Variants in SLC3A1 observed in about 807,000 individuals in gnomAD.
The protein encoded by SLC3A1 is solute carrier family 3 member 1, also known as amino acid transporter heavy chain SLC3A1.
Under a neutral mutation model 60.3 loss-of-function variants are expected in SLC3A1, and 78 were observed. That is an observed-to-expected ratio of 1.29 (90% CI 1.08 to 1.56). The LOEUF is 1.56. SLC3A1 is among the 40% of genes most tolerant of loss of function. SLC3A1 has a pLI of 0.00. For missense variants in SLC3A1, 1,172 were observed against 858.9 expected, an observed-to-expected ratio of 1.36 and a Z score of -4.56; for synonymous variants, 392 against 307.9, an observed-to-expected ratio of 1.27 and a Z score of -2.86.
rs1308796801 is a variant in SLC3A1 at position 44,318,218 on chromosome 2, G to A, written c.1618-1981G>A. On this transcript the variant is annotated intron_variant, in intron 9 of 9. Transcript: ENST00000260649. Reference sequence around the variant, plus strand: ...TGATTCTCCTGCTGCAGCCTCCCAAGTAGCTGGGATTACAGGTGCACGTCA... The same window carrying A: ...TGATTCTCCTGCTGCAGCCTCCCAAATAGCTGGGATTACAGGTGCACGTCA... The A allele has an allele frequency of 7.9e-6, 3 of 380,340 alleles. No individual in the cohort carries two copies. In the Admixed American group the frequency reaches 1.0e-4, roughly 13 times the overall value. 23.6% of individuals were successfully genotyped at this position (380,340 alleles called of 1,614,324 possible). A position where few individuals can be genotyped will look rare whatever the true frequency, so the allele number is the denominator to read the frequency against.
At chr2:44,316,324 T>G (rs530947107) in intron 9 of SLC3A1, 8 of 152,194 alleles carry the variant, frequency 5.3e-5, no homozygotes, top group Non-Finnish European at 1.0e-4. Flanking sequence ...TCCTTGACAT[T>G]CTTTCAAGAA....
chr2:44,309,537 G>T (rs1202447499), intron 7 of SLC3A1, among the ~76,000 whole-genome samples: 1 of 152,018 alleles, frequency 6.6e-6, no homozygotes, highest in African/African-American at 2.4e-5. Context: ...ATCTGTTTAA[G>T]CCCCAGATTT....
rs1671481490 is a variant in SLC3A1, at chr2:44,280,874, G to A, written c.589G>A (p.Val197Ile). The A allele has an allele frequency of 6.2e-7, 1 of 1,614,066 alleles. No individual in the cohort carries two copies. The highest frequency in any genetic ancestry group is 8.5e-7 in the Non-Finnish European group (1 of 1,179,984). Residue 197 changes from valine to isoleucine, a missense_variant, in exon 2 of 10, where the codon GTT becomes ATT. Coordinates refer to ENST00000260649, the MANE Select transcript of SLC3A1 (RefSeq NM_000341.4). ...FGTMEDFENLVAAIHDKGLKL... is the reference protein window; with the variant it reads ...FGTMEDFENLIAAIHDKGLKL... ...AACGATGGAAGATTTTGAGAATCTGGTTGCAGCCATACATGATAAAGGTAA... is the reference window on the plus strand; with the variant it reads ...AACGATGGAAGATTTTGAGAATCTGATTGCAGCCATACATGATAAAGGTAA...
At chr2:44,292,257 G>A (rs868452799) in intron 4 of SLC3A1, among the ~76,000 whole-genome samples, 1 of 152,114 alleles carries the variant, frequency 6.6e-6, no homozygotes, top group African/African-American at 2.4e-5. Flanking sequence ...GAGCACAGGC[G>A]TAGGCTCCGT....
At chr2:44,281,902 T>G (rs1016888060) in intron 3 of SLC3A1, among the ~76,000 whole-genome samples, 1 of 152,152 alleles carries the variant, frequency 6.6e-6, no homozygotes, top group African/African-American at 2.4e-5. Context: ...GAGATGTAGT[T>G]TTGCTCTTGT....
intron 6 of SLC3A1, chr2:44,301,430 T>G (rs1468582061): frequency 1.7e-6 from 1 of 580,254 alleles, no homozygotes; most frequent in East Asian, 2.9e-5. Flanking sequence ...CATGAGCTAT[T>G]ATTTTTTCTT....
At chr2:44,285,747 A>T (rs765827117) in intron 3 of SLC3A1, 7 of 590,072 alleles carry the variant, frequency 1.2e-5, no homozygotes, top group Non-Finnish European at 2.3e-5. Context: ...TAGTAATGTC[A>T]GTTCCTTAAG....
chr2:44,315,676 G>C (rs79830879), intron 9 of SLC3A1, among the ~76,000 whole-genome samples: 1 of 62,148 alleles, frequency 1.6e-5, no homozygotes, highest in African/African-American at 5.5e-5. Flanking sequence ...AAAAAAAAAA[G>C]CAGAGAATAG....
intron 4 of SLC3A1, among the ~76,000 whole-genome samples, chr2:44,293,524 A>G (rs549685899): frequency 1.7e-4 from 25 of 149,694 alleles, no homozygotes; most frequent in East Asian, 6.0e-4. Flanking sequence ...TTTAGGGGGG[A>G]AAAAAAAAAG....
At position 44,301,046 on chromosome 2, in the gene SLC3A1, C is replaced by T. The variant is rs1367178569; in HGVS notation, c.1055C>T (p.Thr352Ile). ...QYSELYHDFT[T>I]TQVGMHDIVR... Reference sequence around the variant, plus strand: ...TCGGAGCTGTACCATGACTTCACCACCACGCAGGTGGGAATGCACGACATT... The same window carrying T: ...TCGGAGCTGTACCATGACTTCACCATCACGCAGGTGGGAATGCACGACATT... Residue 352 changes from threonine to isoleucine, a missense_variant, in exon 6 of 10, where the codon ACC becomes ATC. Thr to Ile is a moderately conservative substitution (Grantham distance 89). Transcript: ENST00000260649. 1 of 1,614,056 alleles carries T rather than the reference C, an allele frequency of 6.2e-7. No individual in the cohort carries two copies. Among genetic ancestry groups the T allele is most frequent in the South Asian group, 1.1e-5 (1 of 91,082 alleles).
Position 44,275,636 on chromosome 2 carries a change from C to G in SLC3A1, c.101C>G (p.Thr34Ser). 6.2e-7 allele frequency: 1 copy of G among 1,614,090 alleles called. No individual in the cohort carries two copies. Among genetic ancestry groups the G allele is most frequent in the Non-Finnish European group, 8.5e-7 (1 of 1,179,962 alleles). The change falls in exon 1 of 10, where the codon ACC (threonine) becomes AGC (serine). Residue 34 changes from threonine (T) to serine (S), a missense_variant. Coordinates refer to ENST00000260649, the MANE Select transcript of SLC3A1 (RefSeq NM_000341.4). ...FVHNEDILEQ[T>S]PDPGSSTDNL... The stretch of plus-strand genomic sequence containing the variant: ...CATAATGAAGACATTCTGGAGCAGA[C>G]CCCGGATCCAGGAAGCTCAACAGAC...
At chr2:44,297,131 G>A (rs1008149415) in intron 4 of SLC3A1, among the ~76,000 whole-genome samples, 3 of 152,174 alleles carry the variant, frequency 2.0e-5, no homozygotes, top group African/African-American at 4.8e-5. Context: ...CCCTCCATAG[G>A]TGAAAATTGG....
chr2:44,288,067 G>A (rs1057013637), intron 4 of SLC3A1, among the ~76,000 whole-genome samples: 3 of 147,220 alleles, frequency 2.0e-5, no homozygotes, highest in East Asian at 2.0e-4. Context: ...TTGCTCTGTC[G>A]CCCAGGCTGG....
In SLC3A1 at chr2:44,275,623, A is replaced by T; in HGVS notation, c.88A>T (p.Ile30Phe). ...TNNGFVHNED[I>F]LEQTPDPGSS... ...CAACGGGTTTGTCCATAATGAAGACATTCTGGAGCAGACCCCGGATCCAGG... is the reference window on the plus strand; with the variant it reads ...CAACGGGTTTGTCCATAATGAAGACTTTCTGGAGCAGACCCCGGATCCAGG... Residue 30 changes from isoleucine (I) to phenylalanine (F), a missense_variant, in exon 1 of 10, where the codon ATT (isoleucine) becomes TTT (phenylalanine). By Grantham distance (21) the Ile-to-Phe change is conservative (BLOSUM62 0). Coordinates refer to ENST00000260649, the MANE Select transcript of SLC3A1 (RefSeq NM_000341.4). 6 of 1,614,128 alleles carry T rather than the reference A, an allele frequency of 3.7e-6. No homozygotes were observed. The highest frequency in any genetic ancestry group is 5.1e-6 in the Non-Finnish European group (6 of 1,179,990).
chr2:44,294,502 CAAA>C (rs58236415), intron 4 of SLC3A1, among the ~76,000 whole-genome samples: 3 of 75,512 alleles, frequency 4.0e-5, no homozygotes, highest in Admixed American at 1.5e-4. Flanking sequence ...GACTCCATCT[CAAA>C]AAAAAAAAAA....
chr2:44,289,532 T>C (rs1341829978), intron 4 of SLC3A1, among the ~76,000 whole-genome samples: 2 of 151,952 alleles, frequency 1.3e-5, no homozygotes, highest in Non-Finnish European at 2.9e-5. Context: ...TCTTGATACA[T>C]GATTTACAAA....
Position 44,282,860 on chromosome 2 carries a change from G to T in SLC3A1, c.765+1319G>T, listed in dbSNP as rs1671531553. 2.6e-5 allele frequency among the ~76,000 whole-genome samples: 4 copies of T among 152,010 alleles called. No homozygotes were observed. In the South Asian group the frequency reaches 8.3e-4, roughly 32 times the overall value. On this transcript the variant is annotated intron_variant, in intron 3 of 9. Transcript: ENST00000260649. ...TTTTGTAAAGACAGGGCCTCACTCT[G>T]TTGTCCAGGCTGGTCTTGAACTCCT...
At chr2:44,283,325 A>G (rs1479944572) in intron 3 of SLC3A1, among the ~76,000 whole-genome samples, 1 of 152,216 alleles carries the variant, frequency 6.6e-6, no homozygotes, top group Non-Finnish European at 1.5e-5. Flanking sequence ...AAGTCCTGGC[A>G]GTTTCACCTC....
chr2:44,309,212 C>G (rs1672232961), intron 7 of SLC3A1, among the ~76,000 whole-genome samples: 1 of 152,138 alleles, frequency 6.6e-6, no homozygotes, highest in Admixed American at 6.5e-5. Flanking sequence ...AACAATAATT[C>G]CTCACTTCCA....
Sources: gnomAD v4.1 joint callset for allele counts (sites outside exome capture counted in the v4.1 genomes callset) on GRCh38, gnomAD v4.1.1 for gene constraint, MANE v1.5 for transcripts, NCBI Gene and HGNC (gene_info 2026-07-23, HGNC 2026-07-21) for gene names.